CBL: variants seen among roughly 807,000 people sequenced by gnomAD.
CBL encodes Cbl proto-oncogene, also known as E3 ubiquitin-protein ligase CBL.
A neutral mutation model predicts 96.9 loss-of-function variants in CBL; 45 were observed. The observed-to-expected ratio is 0.46, with a 90% CI of 0.37 to 0.60. CBL has a LOEUF of 0.60. Among genes scored for constraint, CBL ranks in the 20% least tolerant of loss-of-function variants. The probability of loss-of-function intolerance (pLI) is 0.00; values close to 1 mark genes in which losing one functional copy is unlikely to be tolerated. For synonymous variants in CBL, 420 were observed against 426.8 expected (o/e 0.98, Z 0.20); for missense variants, 1,024 against 1,143.5 (o/e 0.90, Z 1.51).
At chr11:119,275,056 A>C (rs1211631937) in intron 5 of CBL, 103 bp downstream of exon 5, 2 of 1,169,712 alleles carry the variant, frequency 1.7e-6, no homozygotes, top group Non-Finnish European at 2.5e-6. Flanking sequence ...CGCAATAGCC[A>C]AGGTTCTGCA....
chr11:119,270,306 A>C (rs1221675521), intron 2 of CBL, among the ~76,000 whole-genome samples: 1 of 136,312 alleles, frequency 7.3e-6, no homozygotes, highest in Non-Finnish European at 1.6e-5. Flanking sequence ...GTGCAGTGAC[A>C]CAAACTCAGC....
At chr11:119,272,052 T>C (rs539651124) in intron 3 of CBL, among the ~76,000 whole-genome samples, 171 bp downstream of exon 3, 7 of 152,358 alleles carry the variant, frequency 4.6e-5, no homozygotes, top group African/African-American at 1.7e-4. Flanking sequence ...GTTCATTGTT[T>C]TTAAAAAATA....
At chr11:119,231,048 C>T (rs1763222182) in intron 1 of CBL, among the ~76,000 whole-genome samples, 1 of 152,172 alleles carries the variant, frequency 6.6e-6, no homozygotes, top group South Asian at 2.1e-4. Context: ...GTAGGACTCT[C>T]AGCTCTATGC....
chr11:119,306,941 G>GAA lies in CBL; in HGVS notation c.*7172_*7173dup, dbSNP rs112360309. The GAA allele has an allele frequency of 1.7e-3, 348 of 199,814 alleles. 2 individuals are homozygous for GAA. Among genetic ancestry groups the GAA allele is most frequent in the African/African-American group, 6.9e-3 (282 of 40,622 alleles). 12.4% of individuals were successfully genotyped at this position (199,814 alleles called of 1,614,324 possible). A position where few individuals can be genotyped will look rare whatever the true frequency, so the allele number is the denominator to read the frequency against. ...AAAACAAAACAATTTTTAGCACACT[G>GAA]AAAAAAAAAAAAAGCCAAATGTTTT... On this transcript the variant is annotated 3_prime_UTR_variant, in exon 16 of 16. Coordinates refer to ENST00000264033, the MANE Select transcript of CBL (RefSeq NM_005188.4).
chr11:119,240,325 A>G (rs1949575381), intron 2 of CBL, among the ~76,000 whole-genome samples: 1 of 152,076 alleles, frequency 6.6e-6, no homozygotes, highest in Admixed American at 6.6e-5. Flanking sequence ...AAAAGAAAGA[A>G]AAAGAAAAAT....
intron 2 of CBL, among the ~76,000 whole-genome samples, chr11:119,243,233 A>G (rs1223942396): frequency 1.3e-5 from 2 of 152,180 alleles, no homozygotes; most frequent in Non-Finnish European, 2.9e-5. Flanking sequence ...AGCCGAGATC[A>G]TGCCAGTGCA....
rs1565868440 is a variant in CBL at position 119,264,455 on chromosome 11, CTCTTCTCTTTTCT to C, written c.444-7275_444-7263del. Among the ~76,000 whole-genome samples, 528 of 139,480 alleles carry C rather than the reference CTCTTCTCTTTTCT, an allele frequency of 3.8e-3. 8 individuals are homozygous for C. The highest frequency in any genetic ancestry group is 0.011 in the African/African-American group (421 of 36,972). 91.5% of individuals were successfully genotyped at this position (139,480 alleles called of 152,430 possible). On this transcript the variant is annotated intron_variant, in intron 2 of 15. Transcript: ENST00000264033. ...TCTCTTCTCTTCTTTCTCTTCTCTT[CTCTTCTCTTTTCT>C]TCTTTTCTCTTTTCTTTTCTTTTCT...
At chr11:119,277,241 G>GCACACACACACACACACACACACACACA (rs59099916) in intron 6 of CBL, among the ~76,000 whole-genome samples, 5 of 146,498 alleles carry the variant, frequency 3.4e-5, no homozygotes, top group Non-Finnish European at 7.5e-5. Context: ...AATCTGTCGC[G>GCACACACACACACACACACACACACACA]CACACACACA....
At chr11:119,224,895 G>A (rs752012411) in intron 1 of CBL, among the ~76,000 whole-genome samples, 5 of 152,002 alleles carry the variant, frequency 3.3e-5, no homozygotes, top group Admixed American at 2.0e-4. Flanking sequence ...GGAGCGGGAG[G>A]CAAGGGGGCA....
At chr11:119,208,138 G>C (rs1056144714) in intron 1 of CBL, among the ~76,000 whole-genome samples, 5 of 152,124 alleles carry the variant, frequency 3.3e-5, no homozygotes, top group African/African-American at 9.7e-5. Context: ...AAGTTTAGGT[G>C]TGTAAAGGAA....
intron 1 of CBL, among the ~76,000 whole-genome samples, chr11:119,227,584 CTT>C (rs1294617688): frequency 8.7e-5 from 13 of 148,852 alleles, no homozygotes; most frequent in Admixed American, 4.0e-4. Context: ...GAGTTTTGCT[CTT>C]GTTGCCCAGG....
chr11:119,291,284 G>A (rs1950025417), intron 12 of CBL, among the ~76,000 whole-genome samples: 1 of 152,118 alleles, frequency 6.6e-6, no homozygotes, highest in South Asian at 2.1e-4. Flanking sequence ...CCCAGCTACT[G>A]GGGAGGCTAA....
intron 12 of CBL, among the ~76,000 whole-genome samples, chr11:119,291,413 C>G (rs1417513669): frequency 1.3e-5 from 2 of 152,136 alleles, no homozygotes; most frequent in African/African-American, 2.4e-5. Flanking sequence ...AATAAATAGG[C>G]CAGATAAATA....
chr11:119,229,649 A>G (rs1949486294), intron 1 of CBL, among the ~76,000 whole-genome samples: 1 of 152,160 alleles, frequency 6.6e-6, no homozygotes, highest in African/African-American at 2.4e-5. Flanking sequence ...ACTTAAGAAA[A>G]CAAGAGTTCA....
rs775290617 is a variant in CBL at position 119,285,542 on chromosome 11, C to G, written c.1917C>G (p.Ser639Arg). Residue 639 changes from serine to arginine, a missense_variant, in exon 11 of 16, where the codon AGC becomes AGG. Transcript: ENST00000264033. ...GACCAGATGTGCCTAGGCTCGGAAGCACGTTCAGTCTGGATACCTCCATGG... is the reference window on the plus strand; with the variant it reads ...GACCAGATGTGCCTAGGCTCGGAAGGACGTTCAGTCTGGATACCTCCATGG... Reference protein sequence around the residue: ...EPRPDVPRLGSTFSLDTSMSM... With the variant: ...EPRPDVPRLGRTFSLDTSMSM... 6.2e-7 allele frequency: 1 copy of G among 1,614,028 alleles called. No homozygotes were observed. Among genetic ancestry groups the G allele is most frequent in the Non-Finnish European group, 8.5e-7 (1 of 1,180,024 alleles).
intron 3 of CBL, among the ~76,000 whole-genome samples, chr11:119,272,964 T>C (rs1409192079): frequency 6.7e-6 from 1 of 150,174 alleles, no homozygotes. Context: ...ATAAATATCC[T>C]AGGTTTTGTC....
At chr11:119,240,608 A>G (rs552720822) in intron 2 of CBL, among the ~76,000 whole-genome samples, 1 of 152,290 alleles carries the variant, frequency 6.6e-6, no homozygotes, top group South Asian at 2.1e-4. Context: ...AACCTCTGGA[A>G]GGAGAGGTTA....
At chr11:119,230,151 G>GT (rs962065025) in intron 1 of CBL, among the ~76,000 whole-genome samples, 81 of 150,980 alleles carry the variant, frequency 5.4e-4, no homozygotes, top group African/African-American at 1.9e-3. Flanking sequence ...ATAGGTTTTT[G>GT]TTTTTTGTTT....
intron 12 of CBL, among the ~76,000 whole-genome samples, chr11:119,296,573 C>A (rs1442956101): frequency 6.6e-6 from 1 of 152,190 alleles, no homozygotes; most frequent in Non-Finnish European, 1.5e-5. Context: ...GTTTACAGTT[C>A]TAACATTGTC....
Sources: gnomAD v4.1 joint callset for allele counts (sites outside exome capture counted in the v4.1 genomes callset) on GRCh38, gnomAD v4.1.1 for gene constraint, MANE v1.5 for transcripts, NCBI Gene and HGNC (gene_info 2026-07-23, HGNC 2026-07-21) for gene names.